METTL27: variants seen among roughly 807,000 people sequenced by gnomAD.
METTL27 encodes methyltransferase-like protein 27.
A neutral mutation model predicts 24.5 loss-of-function variants in METTL27; 29 were observed. The ratio of observed to expected loss-of-function variants is 1.18; its 90% CI spans 0.88 to 1.61. METTL27 has a LOEUF of 1.61. Among genes scored for constraint, METTL27 ranks in the 40% most tolerant of loss-of-function variants. The pLI, the probability that METTL27 is intolerant of heterozygous loss-of-function variation, is 0.00. For missense variants in METTL27, 341 were observed against 324.3 expected, an observed-to-expected ratio of 1.05 and a Z score of -0.40; for synonymous variants, 138 against 146.8, an observed-to-expected ratio of 0.94 and a Z score of 0.43.
rs1554636356 is a variant in METTL27 at position 73,841,140 on chromosome 7, G to C, written c.182C>G (p.Ala61Gly). The change falls in exon 3 of 6, where the codon GCC (alanine) becomes GGC (glycine). Residue 61 changes from alanine to glycine, a missense_variant. Transcript: ENST00000297873. Reference protein sequence around the residue: ...PRLAVDCLTQALPGPPHSALI... With the variant: ...PRLAVDCLTQGLPGPPHSALI... ...GGCACTGTGGGGCGGGCCTGGAAGG[G>C]CTTGTGTGAGGCAGTCCACTGCGAG... 4 of 1,543,772 alleles carry C rather than the reference G, an allele frequency of 2.6e-6. No individual in the cohort carries two copies. Among genetic ancestry groups the C allele is most frequent in the Non-Finnish European group, 3.5e-6 (4 of 1,155,002 alleles).
In METTL27 at chr7:73,841,080, A is replaced by T. The variant is rs1554636322; in HGVS notation, c.242T>A (p.Val81Glu). The T allele has an allele frequency of 6.6e-7, 1 of 1,506,376 alleles. No individual in the cohort carries two copies. The highest frequency in any genetic ancestry group is 1.3e-5 in the South Asian group (1 of 75,112). 93.3% of individuals were successfully genotyped at this position (1,506,376 alleles called of 1,614,324 possible). Residue 81 changes from valine to glutamate, a missense_variant, in exon 3 of 6, where the codon GTG becomes GAG. Physicochemically the swap from Val to Glu is moderately radical, Grantham distance 121. Transcript: ENST00000297873. ...ILDVACGTGL[V>E]AAELRAPGFL... ...CTGGAAGAGCCTCACCTCGGCAGCC[A>T]CTAGGCCTGTGCCACAGGCCACGTC... is the stretch of plus-strand genomic sequence containing the variant.
intron 5 of METTL27, among the ~76,000 whole-genome samples, chr7:73,836,102 C>G (rs1788178905): frequency 6.6e-6 from 1 of 152,026 alleles, no homozygotes; most frequent in Non-Finnish European, 1.5e-5. Context: ...GCCCCCCGCC[C>G]CACCAGCCGC....
intron 4 of METTL27, 38 bp from the exon 5 acceptor site, chr7:73,840,158 T>C: frequency 1.3e-6 from 2 of 1,551,444 alleles, no homozygotes; most frequent in South Asian, 1.2e-5. Flanking sequence ...CATGGTGTGA[T>C]GCTTGGAAGG....
rs781800780 is a variant in METTL27, at chr7:73,834,991, A to C, written c.490T>G (p.Cys164Gly). ...LHVTKPGGLV[C>G]LTTRTNSSNL... ...GACGAGTTGGTCCTGGTGGTCAGACACACCAGCCCACCTGGGGGAGAGGGG... is the reference window on the plus strand; with the variant it reads ...GACGAGTTGGTCCTGGTGGTCAGACCCACCAGCCCACCTGGGGGAGAGGGG... Residue 164 changes from cysteine (C) to glycine (G), a missense_variant, in exon 6 of 6, where the codon TGT (cysteine) becomes GGT (glycine). By Grantham distance (159) the Cys-to-Gly change is radical. Coordinates refer to ENST00000297873, the MANE Select transcript of METTL27 (RefSeq NM_152559.3). The C allele has an allele frequency of 2.5e-6, 4 of 1,611,126 alleles. No individual in the cohort carries two copies. The South Asian group carries it at 4.4e-5, about 18-fold the overall frequency.
chr7:73,841,405 A>G (rs1025291076), intron 2 of METTL27, among the ~76,000 whole-genome samples: 1 of 151,470 alleles, frequency 6.6e-6, no homozygotes, highest in African/African-American at 2.4e-5. Flanking sequence ...CCCACTGTAC[A>G]GTAGACTCAG....
intron 5 of METTL27, 194 bp downstream of exon 5, chr7:73,839,837 G>A (rs1788299648): frequency 9.6e-6 from 5 of 519,562 alleles, no homozygotes; most frequent in Non-Finnish European, 1.3e-5. Context: ...AGCCGAGCTG[G>A]CCACCTGTCT....
chr7:73,837,630 C>T (rs778122598), intron 5 of METTL27, among the ~76,000 whole-genome samples: 17 of 152,164 alleles, frequency 1.1e-4, no homozygotes, highest in Non-Finnish European at 2.2e-4. Context: ...ATGGCATGCT[C>T]TTGGCTCACT....
rs1340142816 is a variant in METTL27, at chr7:73,835,149, CCCT to C, written c.479-150_479-148del. The C allele has an allele frequency of 8.4e-4, 446 of 530,134 alleles. 4 individuals carry two copies. The African/African-American group carries it at 0.01, about 12-fold the overall frequency. The allele number at this position is 530,134 out of a possible 1,614,324, so 32.8% of individuals were successfully genotyped here. ...TCCCTCTCCCTCTCCCTCTCCCTCT[CCCT>C]CCTCTCCCTCCTCTCCCTCCTCTCC... is the stretch of plus-strand genomic sequence containing the variant. On this transcript the variant is annotated intron_variant, in intron 5 of 5. Coordinates refer to ENST00000297873, the MANE Select transcript of METTL27 (RefSeq NM_152559.3).
At chr7:73,835,438 C>A (rs1220700026) in intron 5 of METTL27, among the ~76,000 whole-genome samples, 1 of 144,108 alleles carries the variant, frequency 6.9e-6, no homozygotes, top group Non-Finnish European at 1.5e-5. Context: ...CGGTCTCCAG[C>A]CCCTAACCGC....
At chr7:73,836,511 GCC>G (rs1554635295) in intron 5 of METTL27, among the ~76,000 whole-genome samples, 1 of 97,566 alleles carries the variant, frequency 1.0e-5, no homozygotes, top group South Asian at 4.0e-4. Flanking sequence ...CCGGCCAGCC[GCC>G]CCATCCGGGA....
chr7:73,840,413 C>T lies in METTL27; in HGVS notation c.388+1G>A, dbSNP rs782044446. On this transcript the variant is annotated splice_donor_variant, in intron 4 of 5. Coordinates refer to ENST00000297873, the MANE Select transcript of METTL27 (RefSeq NM_152559.3). LOFTEE classifies it high-confidence loss of function. The stretch of plus-strand genomic sequence containing the variant: ...GGGTGTGGAGGTGGGAGAGAAAGTA[C>T]CTTCCGGGCTGGGCAGAGGCTCCTG... The T allele has an allele frequency of 1.9e-6, 3 of 1,571,452 alleles. No individual in the cohort carries two copies. Among genetic ancestry groups the T allele is most frequent in the East Asian group, 4.7e-5 (2 of 42,224 alleles).
chr7:73,840,295 G>A lies in METTL27; in HGVS notation c.388+119C>T, dbSNP rs957536585. Reference sequence around the variant, plus strand: ...CCCAGTTCTGGGCTGCAGTCAGATCGTGGGGTGCAGGGTTGAGTGAGGGAC... The same window carrying A: ...CCCAGTTCTGGGCTGCAGTCAGATCATGGGGTGCAGGGTTGAGTGAGGGAC... On this transcript the variant is annotated intron_variant, in intron 4 of 5. Coordinates refer to ENST00000297873, the MANE Select transcript of METTL27 (RefSeq NM_152559.3). The A allele has an allele frequency of 7.4e-6, 11 of 1,494,344 alleles. No homozygotes were observed. The Admixed American group carries it at 2.0e-4, about 27-fold the overall frequency. The allele number at this position is 1,494,344 out of a possible 1,614,324, so 92.6% of individuals were successfully genotyped here. A position where few individuals can be genotyped will look rare whatever the true frequency, so the allele number is the denominator to read the frequency against.
rs547477472 is a variant in METTL27 at position 73,842,417 on chromosome 7, G to A, written c.-5+73C>T. ...CCTATCTTCCTCTTTTCCGCCCTCC[G>A]ACTGAGAGAGGGTCGGAGGTGGGCG... On this transcript the variant is annotated intron_variant, in intron 1 of 5. Transcript: ENST00000297873. 3.1e-4 allele frequency: 132 copies of A among 430,308 alleles called. 4 individuals are homozygous for A. In the South Asian group the frequency reaches 4.5e-3, roughly 15 times the overall value. The allele number at this position is 430,308 out of a possible 1,614,324, so 26.7% of individuals were successfully genotyped here. A position where few individuals can be genotyped will look rare whatever the true frequency, so the allele number is the denominator to read the frequency against.
Position 73,840,567 on chromosome 7 carries a change from G to T in METTL27, c.253-18C>A. On this transcript the variant is annotated intron_variant, in intron 3 of 5. Transcript: ENST00000297873. ...GCCCGCAGCTGGGGTAGGGGTGGGAGACTCAGTCATGGTTCACACCTGCCA... is the reference window on the plus strand; with the variant it reads ...GCCCGCAGCTGGGGTAGGGGTGGGATACTCAGTCATGGTTCACACCTGCCA... The T allele has an allele frequency of 6.4e-7, 1 of 1,568,040 alleles. No homozygotes were observed. The highest frequency in any genetic ancestry group is 8.6e-7 in the Non-Finnish European group (1 of 1,158,884).
Position 73,840,122 on chromosome 7 carries a change from T to C in METTL27, c.389-2A>G. 8.6e-7 allele frequency: 1 copy of C among 1,156,600 alleles called. No individual in the cohort carries two copies. Among genetic ancestry groups the C allele is most frequent in the South Asian group, 1.7e-5 (1 of 60,018 alleles). The allele number at this position is 1,156,600 out of a possible 1,614,324, so 71.6% of individuals were successfully genotyped here. ...CTATCAGCACCGCGTCGAAGGTCCCTGTGTGTGTGTGGGGGGGGGTGGGGA... is the reference window on the plus strand; with the variant it reads ...CTATCAGCACCGCGTCGAAGGTCCCCGTGTGTGTGTGGGGGGGGGTGGGGA... On this transcript the variant is annotated splice_acceptor_variant, in intron 4 of 5. Coordinates refer to ENST00000297873, the MANE Select transcript of METTL27 (RefSeq NM_152559.3). LOFTEE classifies it high-confidence loss of function.
rs1046363278 is a variant in METTL27, at chr7:73,841,706, G to A, written c.123+312C>T. ...CTGGCCAGGCTGGTCTCGAACTCCT[G>A]ACCTCAGGTGATCCGCCCGCCTCGG... On this transcript the variant is annotated intron_variant, in intron 2 of 5. Transcript: ENST00000297873. 2.6e-5 allele frequency among the ~76,000 whole-genome samples: 4 copies of A among 152,110 alleles called. No individual in the cohort carries two copies. In the East Asian group the frequency reaches 7.7e-4, roughly 29 times the overall value.
chr7:73,836,269 AGGGAGGTGGGGGGGT>A (rs1788191931), intron 5 of METTL27, among the ~76,000 whole-genome samples: 1 of 129,666 alleles, frequency 7.7e-6, no homozygotes. Flanking sequence ...CCCGTCCAGG[AGGGAGGTGGGGGGGT>A]CAGCCCCCCG....
intron 5 of METTL27, chr7:73,839,664 T>C: frequency 4.8e-6 from 1 of 209,424 alleles, no homozygotes; most frequent in East Asian, 1.2e-4. Context: ...GAGCCCTCAC[T>C]GTGGGTCAGG....
intron 3 of METTL27, 142 bp downstream of exon 3, chr7:73,840,928 G>A (rs1788335261): frequency 7.7e-7 from 1 of 1,297,182 alleles, no homozygotes; most frequent in Admixed American, 3.6e-5. Context: ...CCCATAGTGT[G>A]AGCCACAGTA....
Sources: allele counts gnomAD v4.1 joint callset (sites outside exome capture counted in the v4.1 genomes callset), GRCh38; gene constraint gnomAD v4.1.1; transcripts MANE v1.5; gene names NCBI Gene and HGNC (gene_info 2026-07-23, HGNC 2026-07-21).